Variants in FGD5 observed in about 807,000 individuals in gnomAD.
FGD5 encodes the protein FYVE, RhoGEF and PH domain containing 5.
A neutral mutation model predicts 133.4 loss-of-function variants in FGD5; 28 were observed. That is an observed-to-expected ratio of 0.21 (90% CI 0.16 to 0.29). The LOEUF (loss-of-function observed/expected upper bound fraction) is 0.29, where lower values mean the gene tolerates loss of function less well. Ranked by LOEUF, FGD5 falls within the 10% of genes least tolerant of loss-of-function variation. FGD5 has a pLI of 1.00. For synonymous variants in FGD5, 810 were observed against 776.5 expected (o/e 1.04, Z -0.72); for missense variants, 1,858 against 1,895.2 (o/e 0.98, Z 0.36).
chr3:14,898,947 G>T, intron 7 of FGD5, 121 bp downstream of exon 7: 2 of 842,064 alleles, frequency 2.4e-6, no homozygotes, highest in Admixed American at 2.2e-5. Flanking sequence ...TTGGGGAAGG[G>T]TGACCTCTGC....
At chr3:14,894,234 A>G (rs2038089277) in intron 4 of FGD5, among the ~76,000 whole-genome samples, 1 of 152,090 alleles carries the variant, frequency 6.6e-6, no homozygotes, top group Non-Finnish European at 1.5e-5. Context: ...TGGTTTATTC[A>G]CTTAAGATAA....
At chr3:14,880,917 G>A (rs879666493) in intron 4 of FGD5, 145 bp downstream of exon 4, 15 of 1,064,012 alleles carry the variant, frequency 1.4e-5, no homozygotes, top group Non-Finnish European at 2.1e-5. Flanking sequence ...GCTTTTCAGG[G>A]AAGTCCGTCT....
chr3:14,900,330 G>T, intron 7 of FGD5, 73 bp from the exon 8 acceptor site: 2 of 1,459,184 alleles, frequency 1.4e-6, no homozygotes, highest in African/African-American at 1.4e-5. Context: ...GCAAGAGAGG[G>T]GGTGGCCACA....
At chr3:14,860,698 G>T (rs2125102129) in intron 1 of FGD5, among the ~76,000 whole-genome samples, 1 of 152,244 alleles carries the variant, frequency 6.6e-6, no homozygotes. Flanking sequence ...AAGGGTCCGG[G>T]TGTGGTGGCA....
intron 1 of FGD5, among the ~76,000 whole-genome samples, chr3:14,851,797 T>G (rs1198355144): frequency 6.6e-6 from 1 of 152,146 alleles, no homozygotes; most frequent in East Asian, 1.9e-4. Flanking sequence ...TGTGTTTCCC[T>G]TTTTCTCTTT....
At chr3:14,813,414 C>G (rs2036323958) in intron 1 of FGD5, among the ~76,000 whole-genome samples, 2 of 152,184 alleles carry the variant, frequency 1.3e-5, no homozygotes, top group African/African-American at 4.8e-5. Flanking sequence ...AATCATCAGG[C>G]TTGGCTTGGA....
chr3:14,889,174 T>A (rs1327230060), intron 4 of FGD5, among the ~76,000 whole-genome samples: 1 of 152,114 alleles, frequency 6.6e-6, no homozygotes, highest in East Asian at 1.9e-4. Context: ...GGGGAGCGCT[T>A]GCTTGTCTTC....
chr3:14,906,968 A>AT lies in FGD5; in HGVS notation c.3265-666dup, dbSNP rs2038353395. On this transcript the variant is annotated intron_variant, in intron 9 of 19. Coordinates refer to ENST00000285046, the MANE Select transcript of FGD5 (RefSeq NM_152536.4). ...AATGGAAATGGAACCACAATTACTC[A>AT]TTTTTTACTACATAGGATTTTATGC... Among the ~76,000 whole-genome samples the AT allele has an allele frequency of 3.3e-5, 5 of 152,310 alleles. No homozygotes were observed. In the South Asian group the frequency reaches 8.3e-4, roughly 25 times the overall value.
chr3:14,846,621 A>G (rs893240392), intron 1 of FGD5, among the ~76,000 whole-genome samples: 23 of 152,228 alleles, frequency 1.5e-4, no homozygotes, highest in African/African-American at 5.3e-4. Context: ...TGCTGGGTCC[A>G]GAGTCAGGAG....
intron 4 of FGD5, among the ~76,000 whole-genome samples, chr3:14,882,887 T>C (rs9837241): frequency 0.026 from 3,998 of 152,250 alleles, 180 homozygotes; most frequent in African/African-American, 0.088. Context: ...CACCACTCCC[T>C]GGCTTCGAAT....
intron 16 of FGD5, among the ~76,000 whole-genome samples, chr3:14,923,785 G>T (rs531664247): frequency 6.6e-6 from 1 of 152,222 alleles, no homozygotes; most frequent in Admixed American, 6.5e-5. Flanking sequence ...TGGAGGCCTG[G>T]AGGTGAAGGG....
intron 2 of FGD5, among the ~76,000 whole-genome samples, chr3:14,876,235 A>T (rs2037716936): frequency 6.6e-6 from 1 of 151,904 alleles, no homozygotes; most frequent in African/African-American, 2.4e-5. Context: ...CTAATGCCTC[A>T]CTCCCCTGTA....
chr3:14,920,179 C>T (rs770555987), intron 13 of FGD5, among the ~76,000 whole-genome samples: 4 of 152,112 alleles, frequency 2.6e-5, no homozygotes, highest in Admixed American at 2.6e-4. Context: ...CAGCCAGGGA[C>T]GTGCATGGCA....
chr3:14,899,538 G>C (rs1003242022), intron 7 of FGD5, among the ~76,000 whole-genome samples: 1 of 152,212 alleles, frequency 6.6e-6, no homozygotes, highest in Non-Finnish European at 1.5e-5. Context: ...ATTCCAGGTA[G>C]CAACTGGGGC....
chr3:14,842,444 G>T (rs2036942127), intron 1 of FGD5, among the ~76,000 whole-genome samples: 1 of 152,168 alleles, frequency 6.6e-6, no homozygotes, highest in South Asian at 2.1e-4. Context: ...CCTAGACAGG[G>T]TTCCAGAGCC....
chr3:14,866,751 C>G (rs2037502000), intron 2 of FGD5, among the ~76,000 whole-genome samples: 1 of 152,220 alleles, frequency 6.6e-6, no homozygotes, highest in South Asian at 2.1e-4. Flanking sequence ...GCAATCTGCC[C>G]AAGTTCAGCC....
chr3:14,880,693 T>C, intron 3 of FGD5, 49 bp from the exon 4 acceptor site: 1 of 1,613,804 alleles, frequency 6.2e-7, no homozygotes, highest in Non-Finnish European at 8.5e-7. Flanking sequence ...CCTCCTGGGC[T>C]TACACAGGAT....
intron 1 of FGD5, among the ~76,000 whole-genome samples, chr3:14,841,353 A>C (rs988429562): frequency 6.6e-6 from 1 of 152,176 alleles, no homozygotes; most frequent in African/African-American, 2.4e-5. Context: ...ATGAGCATTT[A>C]CTATTTCTGA....
At chr3:14,897,849 C>G in intron 5 of FGD5, 90 bp from the exon 6 acceptor site, 1 of 1,542,102 alleles carries the variant, frequency 6.5e-7, no homozygotes. Context: ...GGATCTGCAC[C>G]CAGGGATGTG....
Sources: gnomAD v4.1 joint callset for allele counts (sites outside exome capture counted in the v4.1 genomes callset) on GRCh38, gnomAD v4.1.1 for gene constraint, MANE v1.5 for transcripts, NCBI Gene and HGNC (gene_info 2026-07-23, HGNC 2026-07-21) for gene names.